ILRUN: variants seen among roughly 807,000 people sequenced by gnomAD.
ILRUN encodes the protein protein ILRUN.
Under a neutral mutation model 33.8 loss-of-function variants are expected in ILRUN, and 3 were observed. The observed-to-expected ratio is 0.09, with a 90% CI of 0.04 to 0.23. The LOEUF (loss-of-function observed/expected upper bound fraction) is 0.23. ILRUN is among the 10% of genes least tolerant of loss of function. The pLI is 1.00. For synonymous variants in ILRUN, 124 were observed against 138.9 expected (o/e 0.89, Z 0.75); for missense variants, 210 against 375.1 (o/e 0.56, Z 3.64).
At chr6:34,619,088 G>A (rs1761957603) in intron 3 of ILRUN, among the ~76,000 whole-genome samples, 1 of 152,144 alleles carries the variant, frequency 6.6e-6, no homozygotes, top group Non-Finnish European at 1.5e-5. Context: ...CGGAGTAATG[G>A]GGATAGACAG....
chr6:34,608,211 T>C (rs772202051), intron 3 of ILRUN, among the ~76,000 whole-genome samples: 1 of 151,638 alleles, frequency 6.6e-6, no homozygotes, highest in African/African-American at 2.4e-5. Flanking sequence ...CTGGCCAACA[T>C]AGTGAAACCC....
intron 1 of ILRUN, among the ~76,000 whole-genome samples, chr6:34,691,685 A>G (rs1327140195): frequency 6.6e-6 from 1 of 151,962 alleles, no homozygotes; most frequent in Non-Finnish European, 1.5e-5. Flanking sequence ...AGTCCCAGCT[A>G]CTCGGGAGGC....
At chr6:34,607,131 G>A (rs1343346283) in intron 3 of ILRUN, among the ~76,000 whole-genome samples, 1 of 152,222 alleles carries the variant, frequency 6.6e-6, no homozygotes, top group Admixed American at 6.5e-5. Context: ...GCAGAGGTCT[G>A]TGGTGAGATC....
intron 4 of ILRUN, among the ~76,000 whole-genome samples, chr6:34,594,095 C>T (rs763809599): frequency 1.7e-4 from 26 of 152,224 alleles, no homozygotes; most frequent in Non-Finnish European, 5.9e-5. Context: ...ATAACATTCA[C>T]TCTCTTCTGG....
chr6:34,599,136 C>T lies in ILRUN; in HGVS notation c.861+7419G>A, dbSNP rs374506131. 1.6e-4 allele frequency among the ~76,000 whole-genome samples: 24 copies of T among 152,346 alleles called. No individual in the cohort carries two copies. The South Asian group carries it at 2.1e-3, about 13-fold the overall frequency. ...CTGTAGTGTGGTCTAGAACATTAGA[C>T]TCAAACTGGATCCCTGGGTTCCAGC... On this transcript the variant is annotated intron_variant, in intron 4 of 4. Coordinates refer to ENST00000374023, the MANE Select transcript of ILRUN (RefSeq NM_024294.4).
At chr6:34,636,302 C>T (rs895113855) in intron 3 of ILRUN, among the ~76,000 whole-genome samples, 1 of 152,078 alleles carries the variant, frequency 6.6e-6, no homozygotes, top group Non-Finnish European at 1.5e-5. Flanking sequence ...AGGCTCACAA[C>T]ATTCTTTCTC....
intron 3 of ILRUN, among the ~76,000 whole-genome samples, chr6:34,624,726 C>G (rs1762080244): frequency 6.6e-6 from 1 of 152,174 alleles, no homozygotes; most frequent in Non-Finnish European, 1.5e-5. Context: ...TTCTACAGAG[C>G]TAATGTGTTA....
intron 3 of ILRUN, among the ~76,000 whole-genome samples, chr6:34,631,573 C>T (rs892740448): frequency 1.3e-5 from 2 of 152,152 alleles, no homozygotes; most frequent in African/African-American, 4.8e-5. Context: ...AAGTGATCTA[C>T]GCACCTCAGC....
In ILRUN at chr6:34,590,069, C is replaced by G. The variant is rs1045223574; in HGVS notation, c.*496G>C. 2 of 158,182 alleles carry G rather than the reference C, an allele frequency of 1.3e-5. No homozygotes were observed. The allele number at this position is 158,182 out of a possible 1,614,324, so 9.8% of individuals were successfully genotyped here. Reference sequence around the variant, plus strand: ...AGCACTGATCCGCAGAGTCCTCAAACATGCCACGCCAACTTTTCACCTGAA... The same window carrying G: ...AGCACTGATCCGCAGAGTCCTCAAAGATGCCACGCCAACTTTTCACCTGAA... On this transcript the variant is annotated 3_prime_UTR_variant, in exon 5 of 5. Transcript: ENST00000374023.
At chr6:34,621,825 T>C (rs986116042) in intron 3 of ILRUN, among the ~76,000 whole-genome samples, 3 of 151,542 alleles carry the variant, frequency 2.0e-5, no homozygotes, top group Non-Finnish European at 2.9e-5. Flanking sequence ...ATCGTGCCAC[T>C]GCACTCCAGC....
chr6:34,606,104 T>C (rs1000691016), intron 4 of ILRUN, among the ~76,000 whole-genome samples: 1 of 152,114 alleles, frequency 6.6e-6, no homozygotes, highest in African/African-American at 2.4e-5. Flanking sequence ...TCACCACATT[T>C]GAAAAGTCAA....
intron 3 of ILRUN, among the ~76,000 whole-genome samples, chr6:34,636,280 C>G (rs1762366646): frequency 6.6e-6 from 1 of 151,882 alleles, no homozygotes; most frequent in Non-Finnish European, 1.5e-5. Flanking sequence ...AAATTAAAAT[C>G]CAGAGGCCAG....
At chr6:34,655,318 A>C (rs1347178224) in intron 1 of ILRUN, among the ~76,000 whole-genome samples, 1 of 152,188 alleles carries the variant, frequency 6.6e-6, no homozygotes. Context: ...TGTGCACATA[A>C]TACAGAAAAT....
chr6:34,658,765 G>A (rs1478947662), intron 1 of ILRUN, among the ~76,000 whole-genome samples: 1 of 151,978 alleles, frequency 6.6e-6, no homozygotes, highest in Non-Finnish European at 1.5e-5. Context: ...CTGAGATTGC[G>A]CCACTGCACT....
intron 1 of ILRUN, among the ~76,000 whole-genome samples, chr6:34,659,087 C>T (rs1185416685): frequency 6.6e-6 from 1 of 152,228 alleles, no homozygotes; most frequent in African/African-American, 2.4e-5. Flanking sequence ...GCAAGACAGG[C>T]ATGGCCCTTG....
chr6:34,620,151 C>A (rs1034924398), intron 3 of ILRUN, among the ~76,000 whole-genome samples: 2 of 151,850 alleles, frequency 1.3e-5, no homozygotes, highest in African/African-American at 4.8e-5. Flanking sequence ...CTGAAGGGGG[C>A]AGGGATGGAT....
rs191299018 is a variant in ILRUN at position 34,695,392 on chromosome 6, C to T, written c.158+1054G>A. On this transcript the variant is annotated intron_variant, in intron 1 of 4. Coordinates refer to ENST00000374023, the MANE Select transcript of ILRUN (RefSeq NM_024294.4). ...GAAAGTCTAATCGTCTCCACTGCAA[C>T]TCTGCCTCTGAGTGAATCCAACAAC... Among the ~76,000 whole-genome samples, 29 of 152,358 alleles carry T rather than the reference C, an allele frequency of 1.9e-4. No individual in the cohort carries two copies. In the East Asian group the frequency reaches 4.6e-3, roughly 24 times the overall value.
At chr6:34,651,655 A>T (rs893219149) in intron 2 of ILRUN, among the ~76,000 whole-genome samples, 9 of 151,916 alleles carry the variant, frequency 5.9e-5, no homozygotes, top group African/African-American at 1.7e-4. Flanking sequence ...CTATTAAGTA[A>T]ACAAGGTACT....
intron 3 of ILRUN, among the ~76,000 whole-genome samples, chr6:34,610,823 G>C (rs1761732626): frequency 6.6e-6 from 1 of 152,100 alleles, no homozygotes; most frequent in African/African-American, 2.4e-5. Context: ...TCTTAGCTCA[G>C]GAAACTAAAT....
Sources: allele counts gnomAD v4.1 joint callset (sites outside exome capture counted in the v4.1 genomes callset), GRCh38; gene constraint gnomAD v4.1.1; transcripts MANE v1.5; gene names NCBI Gene and HGNC (gene_info 2026-07-23, HGNC 2026-07-21).